HNRNPLL: variants seen among roughly 807,000 people sequenced by gnomAD.
HNRNPLL encodes the protein heterogeneous nuclear ribonucleoprotein L like.
Under a neutral mutation model 67.1 loss-of-function variants are expected in HNRNPLL, and 25 were observed. The ratio of observed to expected loss-of-function variants is 0.37; its 90% CI spans 0.27 to 0.52. The LOEUF (loss-of-function observed/expected upper bound fraction) is 0.52, where lower values mean the gene tolerates loss of function less well. HNRNPLL is among the 20% of genes least tolerant of loss of function. HNRNPLL has a pLI of 0.90. For missense variants in HNRNPLL, 542 were observed against 673.9 expected (o/e 0.80, Z 2.17); for synonymous variants, 267 against 241.7 (o/e 1.10, Z -0.97).
chr2:38,594,544 T>C (rs1451083375), intron 1 of HNRNPLL, among the ~76,000 whole-genome samples: 1 of 152,148 alleles, frequency 6.6e-6, no homozygotes, highest in South Asian at 2.1e-4. Context: ...AGCTAAAAAC[T>C]GCTGAATCTA....
At chr2:38,575,865 T>G (rs547354064) in intron 7 of HNRNPLL, among the ~76,000 whole-genome samples, 9 of 151,804 alleles carry the variant, frequency 5.9e-5, no homozygotes, top group African/African-American at 1.9e-4. Context: ...CTCATCTTAC[T>G]TCTCTTCTCT....
In HNRNPLL at chr2:38,563,667, T is replaced by A. The variant is rs1242776771; in HGVS notation, c.*515A>T. 1.3e-5 allele frequency: 2 copies of A among 152,828 alleles called. No homozygotes were observed. Among genetic ancestry groups the A allele is most frequent in the Non-Finnish European group, 2.9e-5 (2 of 68,516 alleles). 9.5% of individuals were successfully genotyped at this position (152,828 alleles called of 1,614,324 possible). A position where few individuals can be genotyped will look rare whatever the true frequency, so the allele number is the denominator to read the frequency against. On this transcript the variant is annotated 3_prime_UTR_variant, in exon 13 of 13. Coordinates refer to ENST00000449105, the MANE Select transcript of HNRNPLL (RefSeq NM_138394.4). ...CTGTTAGCCTTTCAGAAATATAAAA[T>A]CAGTTAAATCTGTAGTACTTAAAAT...
intron 10 of HNRNPLL, 63 bp from the exon 11 acceptor site, chr2:38,568,506 A>G: frequency 9.2e-7 from 1 of 1,087,958 alleles, no homozygotes; most frequent in Non-Finnish European, 1.4e-6. Context: ...TTTTTTACAG[A>G]AAGTAAACTT....
At position 38,582,065 on chromosome 2, in the gene HNRNPLL, T is replaced by C; in HGVS notation, c.729+7A>G. ...TTCTTGGGTAGGGTGTTGAAAAAAA[T>C]ATTTACCCGTGCATATTCAATTTTT... is the stretch of plus-strand genomic sequence containing the variant. On this transcript the variant is annotated splice_region_variant and intron_variant, in intron 5 of 12. Coordinates refer to ENST00000449105, the MANE Select transcript of HNRNPLL (RefSeq NM_138394.4). 6.2e-7 allele frequency: 1 copy of C among 1,610,560 alleles called. No homozygotes were observed. Among genetic ancestry groups the C allele is most frequent in the Non-Finnish European group, 8.5e-7 (1 of 1,176,798 alleles).
At chr2:38,581,871 G>C (rs762239904) in intron 6 of HNRNPLL, 42 bp downstream of exon 6, 1 of 1,294,764 alleles carries the variant, frequency 7.7e-7, no homozygotes, top group Admixed American at 1.7e-5. Context: ...ATAAAAATTT[G>C]TCAGCAGATC....
intron 7 of HNRNPLL, among the ~76,000 whole-genome samples, chr2:38,577,102 CCT>C (rs1170917324): frequency 1.3e-5 from 2 of 151,928 alleles, no homozygotes; most frequent in Admixed American, 6.6e-5. Context: ...ACTCAAAATT[CCT>C]CTTTGTTGCT....
intron 8 of HNRNPLL, 126 bp downstream of exon 8, chr2:38,573,084 C>T (rs1666155932): frequency 1.5e-6 from 1 of 657,744 alleles, no homozygotes; most frequent in African/African-American, 1.9e-5. Context: ...AGATTTTTAG[C>T]TTATGTGGGT....
At chr2:38,589,195 C>G (rs1365772703) in intron 2 of HNRNPLL, among the ~76,000 whole-genome samples, 1 of 152,120 alleles carries the variant, frequency 6.6e-6, no homozygotes, top group Non-Finnish European at 1.5e-5. Flanking sequence ...GCAATTTTAT[C>G]CTGACACAAC....
At chr2:38,588,027 C>T (rs567963509) in intron 2 of HNRNPLL, among the ~76,000 whole-genome samples, 1 of 152,130 alleles carries the variant, frequency 6.6e-6, no homozygotes, top group South Asian at 2.1e-4. Flanking sequence ...CGTACTTCCC[C>T]TTCACCTTTT....
Position 38,582,145 on chromosome 2 carries a change from T to C in HNRNPLL, c.656A>G (p.Gln219Arg). 6.2e-7 allele frequency: 1 copy of C among 1,614,028 alleles called. No homozygotes were observed. Among genetic ancestry groups the C allele is most frequent in the Non-Finnish European group, 8.5e-7 (1 of 1,179,884 alleles). ...TCCATTGAGTGCTGCTTTAGCTTTC[T>C]GGGCACAAAGGACTGATTCAAACAT... ...MVEFESVLCA[Q>R]KAKAALNGAD... Residue 219 changes from glutamine to arginine, a missense_variant, in exon 5 of 13, where the codon CAG (glutamine) becomes CGG (arginine). Physicochemically the swap from Gln to Arg is conservative, Grantham distance 43. Around this residue, in one of 2 missense-constraint regions of HNRNPLL, gnomAD observed 415 missense variants for 575.2 expected, o/e 0.72. Transcript: ENST00000449105.
intron 7 of HNRNPLL, 60 bp downstream of exon 7, chr2:38,577,401 A>G: frequency 9.6e-7 from 1 of 1,037,006 alleles, no homozygotes; most frequent in South Asian, 1.3e-5. Context: ...ATACTTCATC[A>G]GAAATGCAGC....
intron 7 of HNRNPLL, among the ~76,000 whole-genome samples, 182 bp downstream of exon 7, chr2:38,577,279 A>C (rs1666334511): frequency 6.6e-6 from 1 of 151,950 alleles, no homozygotes; most frequent in African/African-American, 2.4e-5. Context: ...ATTTTTTTTA[A>C]ATCATTATCC....
chr2:38,593,437 A>G (rs1351882402), intron 1 of HNRNPLL, among the ~76,000 whole-genome samples: 1 of 152,260 alleles, frequency 6.6e-6, no homozygotes, highest in East Asian at 1.9e-4. Context: ...ATAAACTGCA[A>G]GATACAATTA....
At chr2:38,579,477 G>GT (rs1666434927) in intron 6 of HNRNPLL, among the ~76,000 whole-genome samples, 1 of 151,790 alleles carries the variant, frequency 6.6e-6, no homozygotes, top group South Asian at 2.1e-4. Flanking sequence ...TATTCACTGC[G>GT]TAACAGGTCA....
chr2:38,582,916 A>G (rs1454851918), intron 4 of HNRNPLL, among the ~76,000 whole-genome samples: 1 of 152,012 alleles, frequency 6.6e-6, no homozygotes, highest in East Asian at 1.9e-4. Flanking sequence ...AAAACATAAT[A>G]CAACCGAACT....
Position 38,598,972 on chromosome 2 carries a change from G to C in HNRNPLL, c.189+3466C>G, listed in dbSNP as rs75882888. ...TTAACTACTTTATTTCCATGAAGTA[G>C]TTACTACACAGTCTTCTAAACTTCT... is the stretch of plus-strand genomic sequence containing the variant. On this transcript the variant is annotated intron_variant, in intron 1 of 12. Transcript: ENST00000449105. Among the ~76,000 whole-genome samples, 1,150 of 152,324 alleles carry C rather than the reference G, an allele frequency of 7.5e-3. 17 individuals carry two copies. Among genetic ancestry groups the C allele is most frequent in the African/African-American group, 0.026 (1,090 of 41,564 alleles).
intron 12 of HNRNPLL, among the ~76,000 whole-genome samples, chr2:38,565,533 ATCCC>A (rs1430284226): frequency 1.3e-5 from 2 of 151,980 alleles, no homozygotes; most frequent in African/African-American, 4.8e-5. Flanking sequence ...ACACAGCAGG[ATCCC>A]TCCATGTAAA....
intron 1 of HNRNPLL, among the ~76,000 whole-genome samples, chr2:38,597,707 G>A (rs906586602): frequency 6.9e-5 from 7 of 100,748 alleles, no homozygotes; most frequent in Admixed American, 6.3e-4. Flanking sequence ...TTTTTTTTTT[G>A]AGACGGAGTC....
intron 7 of HNRNPLL, among the ~76,000 whole-genome samples, chr2:38,576,059 G>A (rs1256607593): frequency 1.3e-5 from 2 of 151,530 alleles, no homozygotes; most frequent in African/African-American, 2.4e-5. Context: ...AAAAAATTTT[G>A]GCAGGGTATA....
Sources: allele counts gnomAD v4.1 joint callset (sites outside exome capture counted in the v4.1 genomes callset), GRCh38; gene constraint gnomAD v4.1.1; regional missense constraint gnomAD v4.1.1; transcripts MANE v1.5; gene names NCBI Gene and HGNC (gene_info 2026-07-23, HGNC 2026-07-21).